Variants in UPRT observed in about 807,000 individuals in gnomAD.
UPRT encodes the protein RP11-311P8.3.
UPRT carries 5 observed loss-of-function variants against 22.6 expected under a neutral mutation model. That is an observed-to-expected ratio of 0.22 (90% CI 0.12 to 0.47). The LOEUF is 0.47. UPRT is among the 20% of genes least tolerant of loss of function. The pLI is 0.99. For missense variants in UPRT, 181 were observed against 239.9 expected (o/e 0.75, Z 1.62); for synonymous variants, 77 against 87.7 (o/e 0.88, Z 0.68).
intron 4 of UPRT, among the ~76,000 whole-genome samples, chrX:75,221,003 T>C (rs1359677652): frequency 8.9e-6 from 1 of 112,089 alleles, no homozygotes; most frequent in Non-Finnish European, 1.9e-5. Flanking sequence ...AGGACAGGTC[T>C]GGTGTTGATG....
chrX:75,217,281 G>A (rs950728796), intron 4 of UPRT, among the ~76,000 whole-genome samples: 5 of 111,102 alleles, frequency 4.5e-5, no homozygotes, highest in Admixed American at 9.6e-5. Flanking sequence ...TTGACTTGGC[G>A]ATGCGGGCTC....
chrX:75,211,866 A>T (rs1433097024), intron 4 of UPRT, among the ~76,000 whole-genome samples: 3 of 111,177 alleles, frequency 2.7e-5, no homozygotes, highest in Non-Finnish European at 5.7e-5. Context: ...TATCGCAAAA[A>T]CCTGTTAAGG....
chrX:75,193,403 CT>C (rs2082322496), intron 4 of UPRT, among the ~76,000 whole-genome samples: 1 of 111,368 alleles, frequency 9.0e-6, no homozygotes, highest in African/African-American at 3.3e-5. Flanking sequence ...AACATTTTTT[CT>C]TTCATTTTAG....
intron 4 of UPRT, among the ~76,000 whole-genome samples, chrX:75,218,716 T>G (rs1161038301): frequency 2.0e-5 from 2 of 99,515 alleles, no homozygotes; most frequent in Admixed American, 2.3e-4. Context: ...CCATAAAAAA[T>G]GATGAGTTCA....
chrX:75,210,065 A>G (rs150499623), intron 4 of UPRT, among the ~76,000 whole-genome samples: 2,239 of 111,724 alleles, frequency 0.02, 27 homozygotes, highest in Non-Finnish European at 0.026. Flanking sequence ...TTAAGGTGGT[A>G]TATTTAGTCA....
At chrX:75,201,020 T>G (rs1337309380) in intron 4 of UPRT, among the ~76,000 whole-genome samples, 1 of 112,273 alleles carries the variant, frequency 8.9e-6, no homozygotes, top group African/African-American at 3.2e-5. Context: ...GCTTTTCAAG[T>G]GTTCCATGAT....
At position 75,303,413 on chromosome X, in the gene UPRT, T is replaced by C; in HGVS notation, c.832T>C (p.Ser278Pro). 8.3e-7 allele frequency: 1 copy of C among 1,204,644 alleles called. No homozygotes were observed. Among genetic ancestry groups the C allele is most frequent in the Non-Finnish European group, 1.1e-6 (1 of 892,541 alleles). The change falls in exon 7 of 7, where the codon TCA (serine) becomes CCA (proline). Residue 278 changes from serine (S) to proline (P), a missense_variant. Around this residue, in one of 2 missense-constraint regions of UPRT, gnomAD observed 70 missense variants for 137.0 expected, o/e 0.51. Transcript: ENST00000373383. Reference protein sequence around the residue: ...SLFSTPHGAKSIIQEFPEITI... With the variant: ...SLFSTPHGAKPIIQEFPEITI... The stretch of plus-strand genomic sequence containing the variant: ...CTTTTGTTTTTTTGAAGGTGCCAAA[T>C]CAATCATTCAGGAGTTTCCAGAGAT...
At chrX:75,298,009 C>G (rs1370872024) in intron 4 of UPRT, among the ~76,000 whole-genome samples, 1 of 103,322 alleles carries the variant, frequency 9.7e-6, no homozygotes, top group Non-Finnish European at 2.0e-5. Context: ...GACAGGGTCT[C>G]ACTCTATTGT....
At chrX:75,185,879 A>AT (rs1395561813) in intron 4 of UPRT, among the ~76,000 whole-genome samples, 2 of 110,676 alleles carry the variant, frequency 1.8e-5, no homozygotes, top group Non-Finnish European at 3.8e-5. Context: ...CCCCTTTATC[A>AT]TTTTTTACTG....
chrX:75,212,328 AAC>A (rs200214740), intron 4 of UPRT, among the ~76,000 whole-genome samples: 355 of 112,388 alleles, frequency 3.2e-3, no homozygotes, highest in African/African-American at 0.011. Context: ...AATAATAATA[AAC>A]AGTCTCTCAG....
intron 4 of UPRT, among the ~76,000 whole-genome samples, chrX:75,187,098 A>T (rs1315403899): frequency 1.8e-5 from 2 of 111,227 alleles, no homozygotes; most frequent in Non-Finnish European, 3.8e-5. Context: ...TCGTTAGTTG[A>T]TGCATTTTCT....
intron 4 of UPRT, among the ~76,000 whole-genome samples, chrX:75,268,936 G>T (rs2082599169): frequency 9.0e-6 from 1 of 111,538 alleles, no homozygotes; most frequent in Non-Finnish European, 1.9e-5. Context: ...AAGAAATAAA[G>T]GGTATTCAAA....
intron 4 of UPRT, among the ~76,000 whole-genome samples, chrX:75,178,044 C>T (rs1040851200): frequency 3.6e-5 from 4 of 112,135 alleles, no homozygotes; most frequent in African/African-American, 6.5e-5. Flanking sequence ...CACTCATGGC[C>T]GCAGGGTCAA....
At chrX:75,210,307 A>T (rs890916237) in intron 4 of UPRT, among the ~76,000 whole-genome samples, 17 of 111,544 alleles carry the variant, frequency 1.5e-4, no homozygotes, top group African/African-American at 5.5e-4. Flanking sequence ...CCTGTCCTCC[A>T]GGGTGAGGGT....
intron 4 of UPRT, among the ~76,000 whole-genome samples, chrX:75,231,323 A>G (rs969060103): frequency 8.9e-6 from 1 of 112,311 alleles, no homozygotes; most frequent in East Asian, 2.8e-4. Context: ...ACTTTCAACA[A>G]TAAAATAAAA....
Position 75,167,843 on chromosome X carries a change from T to G in UPRT, c.-483T>G, listed in dbSNP as rs1484939709. Among the ~76,000 whole-genome samples, 6 of 110,616 alleles carry G rather than the reference T, an allele frequency of 5.4e-5. 1 individual carries two copies. The Admixed American group carries it at 5.8e-4, about 11-fold the overall frequency. ...TATCCTGGACTGTGACACATCAGCA[T>G]TTGTTTCCCTTAGCCAGCCCAAACA... is the stretch of plus-strand genomic sequence containing the variant. On this transcript the variant is annotated 5_prime_UTR_variant, in exon 4 of 14. Coordinates refer to the UPRT transcript ENST00000652605.
chrX:75,196,353 T>C (rs2082332629), intron 4 of UPRT, among the ~76,000 whole-genome samples: 1 of 111,771 alleles, frequency 8.9e-6, no homozygotes, highest in South Asian at 3.7e-4. Flanking sequence ...AATACATGTT[T>C]TGATAATGAG....
At chrX:75,266,831 G>T (rs1374994842) in intron 4 of UPRT, among the ~76,000 whole-genome samples, 1 of 111,635 alleles carries the variant, frequency 9.0e-6, no homozygotes, top group Non-Finnish European at 1.9e-5. Context: ...ACAGACACAT[G>T]AAAAAATGCT....
At chrX:75,227,563 G>A (rs183743230) in intron 4 of UPRT, among the ~76,000 whole-genome samples, 10 of 112,421 alleles carry the variant, frequency 8.9e-5, no homozygotes, top group Admixed American at 5.6e-4. Context: ...GCTAATGGAA[G>A]GAATCAAAAT....
Sources: gnomAD v4.1 joint callset for allele counts (sites outside exome capture counted in the v4.1 genomes callset) on GRCh38, gnomAD v4.1.1 for gene constraint, gnomAD v4.1.1 regional missense constraint, MANE v1.5 for transcripts, NCBI Gene and HGNC (gene_info 2026-07-23, HGNC 2026-07-21) for gene names.